NCKAP1: variants seen among roughly 807,000 people sequenced by gnomAD.
NCKAP1 encodes the protein NCK associated protein 1.
Under a neutral mutation model 151.2 loss-of-function variants are expected in NCKAP1, and 21 were observed. The ratio of observed to expected loss-of-function variants is 0.14; its 90% CI spans 0.10 to 0.20. NCKAP1 has a LOEUF of 0.20. NCKAP1 is among the 10% of genes least tolerant of loss of function. The probability of loss-of-function intolerance (pLI) is 1.00; values close to 1 mark genes in which losing one functional copy is unlikely to be tolerated. For missense variants in NCKAP1, 933 were observed against 1,352.1 expected, an observed-to-expected ratio of 0.69 and a Z score of 4.86; for synonymous variants, 484 against 451.8, an observed-to-expected ratio of 1.07 and a Z score of -0.90.
chr2:182,988,594 A>G (rs1698104001), intron 9 of NCKAP1, among the ~76,000 whole-genome samples: 1 of 152,230 alleles, frequency 6.6e-6, no homozygotes. Flanking sequence ...GATTTCCTAC[A>G]TGCAGTGATA....
At chr2:183,017,845 A>G (rs1004925642) in intron 2 of NCKAP1, among the ~76,000 whole-genome samples, 2 of 152,196 alleles carry the variant, frequency 1.3e-5, no homozygotes, top group Admixed American at 6.5e-5. Context: ...GTAAATGTTA[A>G]GTTAACAGCT....
intron 2 of NCKAP1, among the ~76,000 whole-genome samples, chr2:183,009,475 G>GAAGGAAGGAAGGAAGGTAGC (rs1485338665): frequency 2.0e-5 from 2 of 100,226 alleles, no homozygotes; most frequent in African/African-American, 4.1e-5. Context: ...AGGAAGGAAG[G>GAAGGAAGGAAGGAAGGTAGC]AAGCAAGCAA....
At chr2:182,971,899 C>CA (rs554089567) in intron 15 of NCKAP1, among the ~76,000 whole-genome samples, 1 of 151,422 alleles carries the variant, frequency 6.6e-6, no homozygotes, top group African/African-American at 2.4e-5. Context: ...TCTCATCATA[C>CA]AAAAAAAATC....
chr2:183,001,896 C>T, intron 6 of NCKAP1, 57 bp downstream of exon 6: 2 of 1,419,626 alleles, frequency 1.4e-6, no homozygotes, highest in Non-Finnish European at 2.0e-6. Flanking sequence ...TCCAACCATC[C>T]ATCCTCATGC....
Position 182,930,717 on chromosome 2 carries a change from T to A in NCKAP1, c.2931A>T (p.Val977=). The change falls in exon 27 of 31, where the codon GTA becomes GTT. Residue 977 remains valine, a synonymous_variant. Transcript: ENST00000361354. ...LPCEIDPALV[V]ALSSQKSENI... ...TACCCGATTTTTGTGAAGAAAGAGCTACGACCAATGCAGGATCAATCTCAC... is the reference window on the plus strand; with the variant it reads ...TACCCGATTTTTGTGAAGAAAGAGCAACGACCAATGCAGGATCAATCTCAC... 6.2e-7 allele frequency: 1 copy of A among 1,613,376 alleles called. No individual in the cohort carries two copies. Among genetic ancestry groups the A allele is most frequent in the Non-Finnish European group, 8.5e-7 (1 of 1,179,392 alleles).
intron 24 of NCKAP1, among the ~76,000 whole-genome samples, chr2:182,937,372 T>G (rs562406794): frequency 6.6e-6 from 1 of 152,126 alleles, no homozygotes; most frequent in Non-Finnish European, 1.5e-5. Flanking sequence ...CCACTGGCAC[T>G]TCCCTTCACC....
At chr2:182,964,902 G>GA (rs1179875427) in intron 16 of NCKAP1, 94 bp from the exon 17 acceptor site, 7 of 944,504 alleles carry the variant, frequency 7.4e-6, no homozygotes, top group South Asian at 2.1e-5. Flanking sequence ...GTGAATGAAT[G>GA]ATAACTGGTA....
In NCKAP1 at chr2:182,942,168, A is replaced by G; in HGVS notation, c.2602-5T>C. Reference sequence around the variant, plus strand: ...AACATTCTCCACCACAAGTTTCTAAAAAAAAAAGAAAGATCCTAGGTCAGG... The same window carrying G: ...AACATTCTCCACCACAAGTTTCTAAGAAAAAAAGAAAGATCCTAGGTCAGG... On this transcript the variant is annotated splice_polypyrimidine_tract_variant and splice_region_variant and intron_variant, in intron 23 of 30. Coordinates refer to ENST00000361354, the MANE Select transcript of NCKAP1 (RefSeq NM_013436.5). 1 of 1,609,156 alleles carries G rather than the reference A, an allele frequency of 6.2e-7. No homozygotes were observed. The highest frequency in any genetic ancestry group is 8.5e-7 in the Non-Finnish European group (1 of 1,177,390).
intron 2 of NCKAP1, among the ~76,000 whole-genome samples, chr2:183,013,183 A>AT (rs1698621324): frequency 6.6e-6 from 1 of 151,932 alleles, no homozygotes; most frequent in South Asian, 2.1e-4. Context: ...ATCCCTCAAT[A>AT]ATCTTCTTCA....
At chr2:182,969,408 A>C (rs537516218) in intron 15 of NCKAP1, among the ~76,000 whole-genome samples, 1 of 152,264 alleles carries the variant, frequency 6.6e-6, no homozygotes, top group South Asian at 2.1e-4. Context: ...ACGATATACC[A>C]AAACCTATGA....
chr2:182,983,195 C>A, intron 11 of NCKAP1, 91 bp downstream of exon 11: 1 of 1,039,386 alleles, frequency 9.6e-7, no homozygotes, highest in Non-Finnish European at 1.4e-6. Context: ...TTATGTAGTC[C>A]CTGACTCAAA....
chr2:182,950,986 C>T (rs1475536751), intron 23 of NCKAP1, among the ~76,000 whole-genome samples: 1 of 152,062 alleles, frequency 6.6e-6, no homozygotes, highest in African/African-American at 2.4e-5. Context: ...GTGCCCACCA[C>T]CACACCCAGC....
chr2:183,029,041 C>T (rs1698954748), intron 1 of NCKAP1, among the ~76,000 whole-genome samples: 3 of 151,922 alleles, frequency 2.0e-5, no homozygotes, highest in Admixed American at 6.6e-5. Flanking sequence ...CGCTTGAACC[C>T]GGAAGGCGCA....
chr2:183,002,343 A>C, intron 4 of NCKAP1, 74 bp from the exon 5 acceptor site: 4 of 1,053,920 alleles, frequency 3.8e-6, no homozygotes, highest in Non-Finnish European at 5.4e-6. Flanking sequence ...ATCTTCATAG[A>C]AGCTATTGAG....
intron 2 of NCKAP1, among the ~76,000 whole-genome samples, chr2:183,021,728 C>A (rs1476744270): frequency 6.6e-6 from 1 of 152,154 alleles, no homozygotes. Flanking sequence ...CTGATGAAAT[C>A]TTCAGAATAG....
chr2:182,945,996 A>G (rs1697095542), intron 23 of NCKAP1, among the ~76,000 whole-genome samples: 1 of 152,214 alleles, frequency 6.6e-6, no homozygotes, highest in Non-Finnish European at 1.5e-5. Context: ...GAATGAGATC[A>G]TGTCCTTTGC....
chr2:182,953,783 G>A (rs1325544619), intron 20 of NCKAP1, among the ~76,000 whole-genome samples: 1 of 151,756 alleles, frequency 6.6e-6, no homozygotes, highest in African/African-American at 2.4e-5. Context: ...GGGCAACAGA[G>A]TGAGACTGTC....
chr2:183,023,925 C>G lies in NCKAP1; in HGVS notation c.109-9G>C. On this transcript the variant is annotated splice_polypyrimidine_tract_variant and intron_variant, in intron 1 of 30. Transcript: ENST00000361354. ...TTGGGGTCTCCACATGCCTATAAAA[C>G]AACAGTAATAAAAAAAAGTGAAATG... 1 of 1,555,396 alleles carries G rather than the reference C, an allele frequency of 6.4e-7. No individual in the cohort carries two copies. Among genetic ancestry groups the G allele is most frequent in the South Asian group, 1.2e-5 (1 of 83,862 alleles).
intron 26 of NCKAP1, among the ~76,000 whole-genome samples, chr2:182,933,994 A>T (rs1696818326): frequency 6.6e-6 from 1 of 152,114 alleles, no homozygotes; most frequent in South Asian, 2.1e-4. Context: ...CTGCTGTTTT[A>T]TATATATATT....
Sources: allele counts gnomAD v4.1 joint callset (sites outside exome capture counted in the v4.1 genomes callset), GRCh38; gene constraint gnomAD v4.1.1; transcripts MANE v1.5; gene names NCBI Gene and HGNC (gene_info 2026-07-23, HGNC 2026-07-21).